SDK1: variants seen among roughly 807,000 people sequenced by gnomAD.
SDK1 encodes sidekick cell adhesion molecule 1.
In SDK1, 157 loss-of-function variants were observed where a neutral mutation model predicts 245.5. The observed-to-expected ratio is 0.64, with a 90% CI of 0.56 to 0.73. SDK1 has a LOEUF of 0.73. Among genes scored for constraint, SDK1 ranks in the 30% least tolerant of loss-of-function variants. The pLI, the probability that SDK1 is intolerant of heterozygous loss-of-function variation, is 0.00. For missense variants in SDK1, 3,583 were observed against 3,002.3 expected, an observed-to-expected ratio of 1.19 and a Z score of -4.52; for synonymous variants, 1,647 against 1,278.5, an observed-to-expected ratio of 1.29 and a Z score of -6.15.
At chr7:3,842,943 C>T (rs1037811210) in intron 5 of SDK1, among the ~76,000 whole-genome samples, 5 of 152,064 alleles carry the variant, frequency 3.3e-5, no homozygotes, top group African/African-American at 9.7e-5. Context: ...GAACATGTAT[C>T]GGCCAAGGAG....
chr7:4,255,234 G>A (rs1046499423), intron 44 of SDK1, among the ~76,000 whole-genome samples: 1 of 152,180 alleles, frequency 6.6e-6, no homozygotes, highest in Non-Finnish European at 1.5e-5. Flanking sequence ...CACCTCCAAA[G>A]CCTCCACAGT....
At chr7:3,868,142 A>C (rs867634841) in intron 5 of SDK1, among the ~76,000 whole-genome samples, 3 of 152,250 alleles carry the variant, frequency 2.0e-5, no homozygotes, top group Admixed American at 6.5e-5. Context: ...GGAATGAGTC[A>C]TAGGTCAGCC....
chr7:3,889,818 T>C (rs1389048201), intron 5 of SDK1, among the ~76,000 whole-genome samples: 2 of 152,182 alleles, frequency 1.3e-5, no homozygotes, highest in African/African-American at 2.4e-5. Context: ...TATATGATTC[T>C]TACTAGAAGG....
At chr7:3,757,130 C>T (rs1028908077) in intron 4 of SDK1, among the ~76,000 whole-genome samples, 3 of 152,170 alleles carry the variant, frequency 2.0e-5, no homozygotes, top group Non-Finnish European at 2.9e-5. Context: ...ACAGACCCCA[C>T]ACATTGAGGG....
At chr7:3,436,968 G>A (rs1286333092) in intron 1 of SDK1, among the ~76,000 whole-genome samples, 1 of 152,036 alleles carries the variant, frequency 6.6e-6, no homozygotes, top group Non-Finnish European at 1.5e-5. Flanking sequence ...ATGTCTAACG[G>A]ATTAGTCACA....
At chr7:4,135,406 A>G (rs1779007877) in intron 28 of SDK1, among the ~76,000 whole-genome samples, 1 of 152,188 alleles carries the variant, frequency 6.6e-6, no homozygotes, top group Non-Finnish European at 1.5e-5. Context: ...TTCGCCCTAG[A>G]GAAATTCTTG....
intron 40 of SDK1, among the ~76,000 whole-genome samples, chr7:4,226,751 A>G (rs1785472155): frequency 1.3e-5 from 2 of 152,348 alleles, no homozygotes; most frequent in Middle Eastern, 3.4e-3. Flanking sequence ...CACTGGACAT[A>G]TGCAGATGAT....
intron 1 of SDK1, among the ~76,000 whole-genome samples, chr7:3,424,702 G>C (rs1779628462): frequency 6.6e-6 from 1 of 152,088 alleles, no homozygotes; most frequent in African/African-American, 2.4e-5. Flanking sequence ...TTCGAGACCA[G>C]CCTGAACAAT....
intron 22 of SDK1, among the ~76,000 whole-genome samples, chr7:4,101,964 C>T (rs1313702184): frequency 1.3e-5 from 2 of 152,118 alleles, no homozygotes; most frequent in African/African-American, 4.8e-5. Flanking sequence ...GGGAACAAAG[C>T]CCATCACTCC....
chr7:3,782,836 A>G (rs955420344), intron 4 of SDK1, among the ~76,000 whole-genome samples: 4 of 152,208 alleles, frequency 2.6e-5, no homozygotes, highest in Non-Finnish European at 5.9e-5. Context: ...GAACTTTTAT[A>G]AGTCAGGAAT....
At chr7:3,509,649 C>G (rs974627318) in intron 1 of SDK1, among the ~76,000 whole-genome samples, 2 of 152,170 alleles carry the variant, frequency 1.3e-5, no homozygotes, top group African/African-American at 4.8e-5. Flanking sequence ...CCCTCTTCCT[C>G]AACTGTGCTT....
intron 1 of SDK1, among the ~76,000 whole-genome samples, chr7:3,355,459 A>G (rs1780764964): frequency 6.6e-6 from 1 of 152,172 alleles, no homozygotes; most frequent in Non-Finnish European, 1.5e-5. Context: ...GCTTGCAATT[A>G]CAGGCCTGAG....
chr7:4,161,898 C>A, intron 32 of SDK1, 42 bp downstream of exon 32: 5 of 1,550,262 alleles, frequency 3.2e-6, no homozygotes, highest in South Asian at 1.1e-5. Flanking sequence ...CAAATGTGTT[C>A]TCATTTCCCT....
rs1779272053 is a variant in SDK1 at position 3,301,837 on chromosome 7, G to GGGCGCTGCT, written c.260_268dup (p.Leu87_Leu89dup). ...TTGGGGCCGGGCCGCCGCGGCTGGT[G>GGGCGCTGCT]GGCGCTGCTGGCGCTGCAGCTGCAC... On this transcript the variant is annotated inframe_insertion, in exon 1 of 45. Transcript: ENST00000404826. 7 of 1,128,728 alleles carry GGGCGCTGCT rather than the reference G, an allele frequency of 6.2e-6. No individual in the cohort carries two copies. The highest frequency in any genetic ancestry group is 1.7e-5 in the African/African-American group (1 of 60,580). 69.9% of individuals were successfully genotyped at this position (1,128,728 alleles called of 1,614,324 possible).
intron 14 of SDK1, among the ~76,000 whole-genome samples, chr7:3,991,624 T>G (rs1562632569): frequency 6.6e-6 from 1 of 152,182 alleles, no homozygotes; most frequent in African/African-American, 2.4e-5. Context: ...TCACCCATAT[T>G]AGCCTCTGGC....
intron 1 of SDK1, among the ~76,000 whole-genome samples, chr7:3,328,905 T>A (rs1780000229): frequency 6.6e-6 from 1 of 152,090 alleles, no homozygotes; most frequent in South Asian, 2.1e-4. Context: ...TTGTGCAGTT[T>A]GACATATTTT....
At chr7:3,464,247 G>A (rs1040005851) in intron 1 of SDK1, among the ~76,000 whole-genome samples, 1 of 152,184 alleles carries the variant, frequency 6.6e-6, no homozygotes, top group Non-Finnish European at 1.5e-5. Context: ...TATTGGGCCA[G>A]GCATGGTGGC....
At chr7:3,865,538 T>A (rs1449669132) in intron 5 of SDK1, among the ~76,000 whole-genome samples, 1 of 152,210 alleles carries the variant, frequency 6.6e-6, no homozygotes. Context: ...AGACAAGGTC[T>A]CGCTCTGTCG....
chr7:3,748,144 A>G (rs1779677632), intron 4 of SDK1, among the ~76,000 whole-genome samples: 1 of 152,210 alleles, frequency 6.6e-6, no homozygotes. Flanking sequence ...ATGCTATAAT[A>G]TTAAACGTTG....
Sources: allele counts gnomAD v4.1 joint callset (sites outside exome capture counted in the v4.1 genomes callset), GRCh38; gene constraint gnomAD v4.1.1; transcripts MANE v1.5; gene names NCBI Gene and HGNC (gene_info 2026-07-23, HGNC 2026-07-21).